TANC1: variants seen among roughly 807,000 people sequenced by gnomAD.
The protein encoded by TANC1 is tetratricopeptide repeat, ankyrin repeat and coiled-coil containing 1, also known as protein TANC1.
TANC1 carries 77 observed loss-of-function variants against 149.7 expected under a neutral mutation model. That is an observed-to-expected ratio of 0.51 (90% CI 0.43 to 0.62). The LOEUF is 0.62. TANC1 is among the 20% of genes least tolerant of loss of function. The pLI is 0.00. For synonymous variants in TANC1, 854 were observed against 925.0 expected (o/e 0.92, Z 1.39); for missense variants, 1,985 against 2,321.8 (o/e 0.85, Z 2.98).
chr2:159,004,450 A>C, intron 2 of TANC1: 2 of 745,314 alleles, frequency 2.7e-6, no homozygotes, highest in Non-Finnish European at 4.5e-6. Context: ...TATATTAATA[A>C]TGCTGTTTGT....
At chr2:158,972,862 G>T (rs1184419296) in intron 1 of TANC1, among the ~76,000 whole-genome samples, 2 of 152,200 alleles carry the variant, frequency 1.3e-5, no homozygotes, top group Non-Finnish European at 2.9e-5. Flanking sequence ...CACAAGAGCA[G>T]CAAAGGAGAA....
chr2:159,023,375 C>T (rs1006428027), intron 2 of TANC1, among the ~76,000 whole-genome samples: 1 of 151,598 alleles, frequency 6.6e-6, no homozygotes, highest in African/African-American at 2.4e-5. Flanking sequence ...CAGAGTCTCG[C>T]TCTGTCACCC....
intron 2 of TANC1, among the ~76,000 whole-genome samples, chr2:159,062,959 G>A (rs1397779062): frequency 2.0e-5 from 1 of 50,560 alleles, no homozygotes; most frequent in East Asian, 3.3e-4. Flanking sequence ...GGGCGACAGA[G>A]CGAGACTCCG....
At chr2:159,034,649 G>A (rs1358842602) in intron 2 of TANC1, among the ~76,000 whole-genome samples, 1 of 152,202 alleles carries the variant, frequency 6.6e-6, no homozygotes, top group African/African-American at 2.4e-5. Context: ...ATGGAAATTG[G>A]TATGTTTTAA....
chr2:159,155,769 C>T (rs2053363399), intron 7 of TANC1, among the ~76,000 whole-genome samples: 1 of 152,214 alleles, frequency 6.6e-6, no homozygotes, highest in Admixed American at 6.5e-5. Context: ...AGGGGAATAC[C>T]TTCGTAGAAA....
At chr2:159,041,218 CA>C (rs1454909239) in intron 2 of TANC1, among the ~76,000 whole-genome samples, 1 of 152,162 alleles carries the variant, frequency 6.6e-6, no homozygotes, top group Non-Finnish European at 1.5e-5. Flanking sequence ...AGGTGTCTGC[CA>C]GTAAGGCTAC....
chr2:159,055,846 CAG>C (rs1255184079), intron 2 of TANC1, among the ~76,000 whole-genome samples: 1 of 152,142 alleles, frequency 6.6e-6, no homozygotes, highest in Non-Finnish European at 1.5e-5. Context: ...GGCTGAGAGT[CAG>C]AGAAGGGAAT....
chr2:159,056,175 A>C (rs1266733726), intron 2 of TANC1: 1 of 239,264 alleles, frequency 4.2e-6, no homozygotes, highest in Non-Finnish European at 8.9e-6. Flanking sequence ...AGGACGTCAT[A>C]GATGGGAAAA....
chr2:159,227,753 G>C, intron 24 of TANC1, 66 bp from the exon 25 acceptor site: 1 of 1,552,048 alleles, frequency 6.4e-7, no homozygotes, highest in South Asian at 1.1e-5. Flanking sequence ...CGGTGTTCCA[G>C]GTGTGGGAGT....
At chr2:159,135,718 G>T (rs1314984330) in intron 4 of TANC1, among the ~76,000 whole-genome samples, 1 of 152,218 alleles carries the variant, frequency 6.6e-6, no homozygotes, top group Non-Finnish European at 1.5e-5. Flanking sequence ...GCTGTTACAG[G>T]CCGGCTGTTT....
chr2:159,093,957 C>T (rs1001557121), intron 3 of TANC1, among the ~76,000 whole-genome samples: 1 of 152,144 alleles, frequency 6.6e-6, no homozygotes, highest in Admixed American at 6.5e-5. Flanking sequence ...AATTCTTTTT[C>T]CCTTCAATGC....
intron 3 of TANC1, among the ~76,000 whole-genome samples, chr2:159,077,752 T>A (rs1054217660): frequency 3.9e-5 from 6 of 152,200 alleles, no homozygotes; most frequent in African/African-American, 1.4e-4. Flanking sequence ...ATATTTTTTT[T>A]ATTACAAGTC....
chr2:159,047,151 G>A lies in TANC1; in HGVS notation c.-15-18745G>A, dbSNP rs573176774. 1.2e-3 allele frequency among the ~76,000 whole-genome samples: 183 copies of A among 151,570 alleles called. 1 individual carries two copies. The highest frequency in any genetic ancestry group is 3.4e-3 in the Admixed American group (52 of 15,200). On this transcript the variant is annotated intron_variant, in intron 2 of 26. Transcript: ENST00000263635. ...GACATTTCTGCTTGGATGACTCATA[G>A]GTACTTTTAAATCAGGATATCCAAA...
chr2:159,153,678 C>T (rs530550990), intron 7 of TANC1, among the ~76,000 whole-genome samples: 44 of 152,242 alleles, frequency 2.9e-4, no homozygotes, highest in Non-Finnish European at 5.7e-4. Context: ...GTGGTGGGGA[C>T]AGAAAGGGGA....
At chr2:159,003,753 G>T (rs994915712) in intron 2 of TANC1, among the ~76,000 whole-genome samples, 6 of 152,186 alleles carry the variant, frequency 3.9e-5, no homozygotes, top group African/African-American at 1.2e-4. Flanking sequence ...TGCCGCAGTC[G>T]TCGTCTTTCT....
At chr2:159,034,152 C>T (rs760483135) in intron 2 of TANC1, among the ~76,000 whole-genome samples, 1 of 152,196 alleles carries the variant, frequency 6.6e-6, no homozygotes, top group East Asian at 1.9e-4. Context: ...CCAAAGCAGC[C>T]GGACTCAATG....
At chr2:159,023,896 AG>A (rs1237230439) in intron 2 of TANC1, among the ~76,000 whole-genome samples, 14 of 151,678 alleles carry the variant, frequency 9.2e-5, no homozygotes, top group Non-Finnish European at 1.8e-4. Context: ...TGAACCCAGG[AG>A]GTGGAAGTTG....
intron 16 of TANC1, among the ~76,000 whole-genome samples, chr2:159,188,165 A>G (rs1294613799): frequency 6.6e-6 from 1 of 152,032 alleles, no homozygotes. Flanking sequence ...TGTTTCTTTT[A>G]TCTTTCAAGG....
chr2:159,151,700 G>A (rs1287660249), intron 7 of TANC1, among the ~76,000 whole-genome samples: 1 of 152,202 alleles, frequency 6.6e-6, no homozygotes, highest in Non-Finnish European at 1.5e-5. Flanking sequence ...CTGGGATTGG[G>A]TTGTGGGCTC....
Sources: gnomAD v4.1 joint callset for allele counts (sites outside exome capture counted in the v4.1 genomes callset) on GRCh38, gnomAD v4.1.1 for gene constraint, MANE v1.5 for transcripts, NCBI Gene and HGNC (gene_info 2026-07-23, HGNC 2026-07-21) for gene names.